TMEM117: variants seen among roughly 807,000 people sequenced by gnomAD.
The protein encoded by TMEM117 is transmembrane protein 117.
TMEM117 carries 27 observed loss-of-function variants against 52.4 expected under a neutral mutation model. The ratio of observed to expected loss-of-function variants is 0.51; its 90% CI spans 0.38 to 0.71. The LOEUF (loss-of-function observed/expected upper bound fraction) is 0.71. TMEM117 is among the 30% of genes least tolerant of loss of function. TMEM117 has a pLI of 0.00. For missense variants in TMEM117, 556 were observed against 630.5 expected, an observed-to-expected ratio of 0.88 and a Z score of 1.26; for synonymous variants, 215 against 206.3, an observed-to-expected ratio of 1.04 and a Z score of -0.36.
chr12:44,284,454 AAT>A (rs779340709), intron 5 of TMEM117, among the ~76,000 whole-genome samples: 1 of 152,236 alleles, frequency 6.6e-6, no homozygotes, highest in Non-Finnish European at 1.5e-5. Flanking sequence ...AAAACAGACT[AAT>A]ACAATTTCCC....
chr12:43,988,541 T>C (rs1233447988), intron 3 of TMEM117, among the ~76,000 whole-genome samples: 1 of 152,102 alleles, frequency 6.6e-6, no homozygotes, highest in Non-Finnish European at 1.5e-5. Context: ...TGAGAACATA[T>C]GGACTGTAAT....
At chr12:44,360,936 A>G (rs1951712830) in intron 6 of TMEM117, among the ~76,000 whole-genome samples, 1 of 152,168 alleles carries the variant, frequency 6.6e-6, no homozygotes, top group Non-Finnish European at 1.5e-5. Context: ...AATTTTGCAA[A>G]CCATTCTCAT....
rs1034060711 is a variant in TMEM117, at chr12:44,100,448, C to T, written c.411-43077C>T. Among the ~76,000 whole-genome samples, 8 of 152,092 alleles carry T rather than the reference C, an allele frequency of 5.3e-5. No individual in the cohort carries two copies. In the South Asian group the frequency reaches 1.0e-3, roughly 20 times the overall value. Reference sequence around the variant, plus strand: ...AATTGTCTCTTAGATTTACTGCACACGTTAATGCCTAATGCTTCAGATCAT... The same window carrying T: ...AATTGTCTCTTAGATTTACTGCACATGTTAATGCCTAATGCTTCAGATCAT... On this transcript the variant is annotated intron_variant, in intron 3 of 7. Coordinates refer to ENST00000266534, the MANE Select transcript of TMEM117 (RefSeq NM_032256.3).
At chr12:44,027,842 G>A (rs2137857477) in intron 3 of TMEM117, among the ~76,000 whole-genome samples, 1 of 152,276 alleles carries the variant, frequency 6.6e-6, no homozygotes, top group Non-Finnish European at 1.5e-5. Context: ...CCTCGTGTTA[G>A]TCTAGAGTTA....
chr12:44,041,233 A>G (rs1946792679), intron 3 of TMEM117, among the ~76,000 whole-genome samples: 1 of 134,906 alleles, frequency 7.4e-6, no homozygotes, highest in Non-Finnish European at 1.6e-5. Context: ...TCCTAATGCT[A>G]TCCCTCCCCC....
intron 3 of TMEM117, among the ~76,000 whole-genome samples, chr12:43,950,086 A>G (rs1945195579): frequency 6.6e-6 from 1 of 152,164 alleles, no homozygotes; most frequent in Non-Finnish European, 1.5e-5. Flanking sequence ...AATCATATTG[A>G]TGCATTTTCC....
intron 2 of TMEM117, among the ~76,000 whole-genome samples, chr12:43,896,248 C>T (rs960669073): frequency 6.6e-6 from 1 of 152,174 alleles, no homozygotes; most frequent in Admixed American, 6.6e-5. Context: ...GGAAATATTC[C>T]TTACCCTCAG....
At chr12:44,002,520 A>AT (rs1946132080) in intron 3 of TMEM117, among the ~76,000 whole-genome samples, 1 of 152,134 alleles carries the variant, frequency 6.6e-6, no homozygotes, top group Non-Finnish European at 1.5e-5. Flanking sequence ...CTTTCTAGGC[A>AT]TTGCCTAGCT....
intron 3 of TMEM117, among the ~76,000 whole-genome samples, chr12:44,034,720 A>T (rs1473008114): frequency 9.2e-5 from 14 of 152,210 alleles, no homozygotes; most frequent in Admixed American, 9.2e-4. Context: ...GTAGGAAGGT[A>T]ATGCTATTAT....
intron 2 of TMEM117, among the ~76,000 whole-genome samples, chr12:43,875,660 A>G (rs1466109602): frequency 1.3e-5 from 2 of 152,164 alleles, no homozygotes; most frequent in East Asian, 3.9e-4. Context: ...AGCTGCCTAA[A>G]ATTCAAAGAA....
At chr12:43,921,263 C>T (rs1460431909) in intron 2 of TMEM117, among the ~76,000 whole-genome samples, 2 of 152,160 alleles carry the variant, frequency 1.3e-5, no homozygotes, top group Non-Finnish European at 2.9e-5. Flanking sequence ...GATTATTTTT[C>T]CCCAGAACAT....
intron 4 of TMEM117, among the ~76,000 whole-genome samples, chr12:44,184,626 C>G (rs1160670930): frequency 6.6e-6 from 1 of 152,120 alleles, no homozygotes. Flanking sequence ...AAATGGGGAC[C>G]TCAGTCCTAC....
intron 4 of TMEM117, among the ~76,000 whole-genome samples, chr12:44,162,542 A>G (rs761979106): frequency 6.6e-6 from 1 of 152,156 alleles, no homozygotes; most frequent in Non-Finnish European, 1.5e-5. Context: ...TTGGTTTAGA[A>G]GCTTACATAG....
chr12:44,172,859 G>T (rs970460459), intron 4 of TMEM117, among the ~76,000 whole-genome samples: 1 of 151,982 alleles, frequency 6.6e-6, no homozygotes, highest in Non-Finnish European at 1.5e-5. Flanking sequence ...CGAGTAGCTA[G>T]GATTACAGGT....
At chr12:44,144,536 G>A (rs1948615111) in intron 4 of TMEM117, among the ~76,000 whole-genome samples, 1 of 152,154 alleles carries the variant, frequency 6.6e-6, no homozygotes, top group African/African-American at 2.4e-5. Context: ...GGTAGATATT[G>A]TAGGTAGGAA....
In TMEM117 at chr12:44,042,693, C is replaced by A. The variant is rs138002574; in HGVS notation, c.410+98351C>A. ...AGTTTTGGGACTCGGACTGGCTCTC[C>A]TTGCTCTTCAACTTGTAGACAGCCT... On this transcript the variant is annotated intron_variant, in intron 3 of 7. Transcript: ENST00000266534. Among the ~76,000 whole-genome samples, 391 of 151,114 alleles carry A rather than the reference C, an allele frequency of 2.6e-3. 2 individuals carry two copies. The highest frequency in any genetic ancestry group is 9.0e-3 in the African/African-American group (372 of 41,182).
chr12:44,083,305 A>G (rs1947512809), intron 3 of TMEM117, among the ~76,000 whole-genome samples: 3 of 152,140 alleles, frequency 2.0e-5, no homozygotes, highest in East Asian at 3.9e-4. Flanking sequence ...ACTGTTTTCA[A>G]AAATGTTTGT....
intron 7 of TMEM117, among the ~76,000 whole-genome samples, chr12:44,383,884 G>A (rs1358423434): frequency 6.6e-6 from 1 of 152,010 alleles, no homozygotes; most frequent in Non-Finnish European, 1.5e-5. Context: ...TTCTAAAATT[G>A]TATATTCCAT....
chr12:44,252,156 T>G (rs1291776502), intron 5 of TMEM117, among the ~76,000 whole-genome samples: 5 of 152,200 alleles, frequency 3.3e-5, no homozygotes, highest in Admixed American at 3.3e-4. Flanking sequence ...GCTCTACCCT[T>G]GCCTACAAGG....
Sources: gnomAD v4.1 joint callset for allele counts (sites outside exome capture counted in the v4.1 genomes callset) on GRCh38, gnomAD v4.1.1 for gene constraint, MANE v1.5 for transcripts, NCBI Gene and HGNC (gene_info 2026-07-23, HGNC 2026-07-21) for gene names.